The following GRID2 variants were observed in gnomAD, a reference collection of about 807,000 sequenced individuals.
GRID2 encodes glutamate receptor ionotropic, delta-2.
A neutral mutation model predicts 114.8 loss-of-function variants in GRID2; 33 were observed. The ratio of observed to expected loss-of-function variants is 0.29; its 90% CI spans 0.22 to 0.38. The LOEUF (loss-of-function observed/expected upper bound fraction) is 0.38. Among genes scored for constraint, GRID2 ranks in the 10% least tolerant of loss-of-function variants. The probability of loss-of-function intolerance (pLI) is 1.00; values close to 1 mark genes in which losing one functional copy is unlikely to be tolerated. For synonymous variants in GRID2, 505 were observed against 449.9 expected (o/e 1.12, Z -1.55); for missense variants, 1,184 against 1,257.7 (o/e 0.94, Z 0.89).
chr4:93,258,608 G>A (rs980612282), intron 8 of GRID2, among the ~76,000 whole-genome samples: 9 of 151,674 alleles, frequency 5.9e-5, no homozygotes, highest in Non-Finnish European at 1.2e-4. Context: ...CTCCTTTAGT[G>A]CATTATGATA....
At chr4:93,371,224 G>A (rs1762877084) in intron 8 of GRID2, among the ~76,000 whole-genome samples, 1 of 152,190 alleles carries the variant, frequency 6.6e-6, no homozygotes, top group African/African-American at 2.4e-5. Flanking sequence ...CCAAGTTTAA[G>A]TAAAAAGATT....
At chr4:93,088,666 A>C (rs1730529449) in intron 3 of GRID2, among the ~76,000 whole-genome samples, 1 of 152,136 alleles carries the variant, frequency 6.6e-6, no homozygotes, top group African/African-American at 2.4e-5. Flanking sequence ...ATATTGCAGC[A>C]ATTAAGATAT....
intron 11 of GRID2, among the ~76,000 whole-genome samples, chr4:93,466,900 A>C (rs185704997): frequency 6.6e-6 from 1 of 152,232 alleles, no homozygotes; most frequent in Admixed American, 6.5e-5. Context: ...TATAGATTGA[A>C]AGAAAGCCTT....
chr4:92,443,629 G>C (rs903207780), intron 1 of GRID2, among the ~76,000 whole-genome samples: 15 of 152,104 alleles, frequency 9.9e-5, no homozygotes, highest in Non-Finnish European at 2.1e-4. Flanking sequence ...TAGAAAAGCG[G>C]GACTTGCCGC....
intron 2 of GRID2, among the ~76,000 whole-genome samples, chr4:93,054,370 A>C (rs1727024622): frequency 6.6e-6 from 1 of 151,848 alleles, no homozygotes; most frequent in African/African-American, 2.4e-5. Context: ...AAAGAAAAAA[A>C]AAACTAGCAC....
At chr4:92,867,582 A>T (rs922072774) in intron 2 of GRID2, among the ~76,000 whole-genome samples, 9 of 143,600 alleles carry the variant, frequency 6.3e-5, no homozygotes, top group Admixed American at 2.8e-4. Context: ...CTGTACTATT[A>T]TTTTTTTTTT....
chr4:93,007,964 A>G (rs1055335258), intron 2 of GRID2, among the ~76,000 whole-genome samples: 1 of 149,448 alleles, frequency 6.7e-6, no homozygotes, highest in Non-Finnish European at 1.5e-5. Flanking sequence ...CTGCCCAGGA[A>G]GTGGAGGTTG....
chr4:93,800,673 A>T (rs1734910448), intron 1 of GRID2, among the ~76,000 whole-genome samples: 2 of 152,228 alleles, frequency 1.3e-5, no homozygotes, highest in Admixed American at 1.3e-4. Flanking sequence ...TATAAATAGT[A>T]ACCTGGATAC....
intron 2 of GRID2, among the ~76,000 whole-genome samples, chr4:92,835,891 ACTC>A (rs1342370837): frequency 6.6e-6 from 1 of 151,200 alleles, no homozygotes; most frequent in Non-Finnish European, 1.5e-5. Context: ...CCTCTAGACA[ACTC>A]CTTGACAGCA....
At chr4:93,090,725 A>G (rs1730711209) in intron 3 of GRID2, among the ~76,000 whole-genome samples, 1 of 152,110 alleles carries the variant, frequency 6.6e-6, no homozygotes, top group Non-Finnish European at 1.5e-5. Context: ...TGTTCAAATC[A>G]TGTGTCTTCA....
At chr4:92,545,766 T>C (rs1433244673) in intron 1 of GRID2, among the ~76,000 whole-genome samples, 1 of 152,200 alleles carries the variant, frequency 6.6e-6, no homozygotes, top group African/African-American at 2.4e-5. Context: ...GCTGCGACAC[T>C]CATTTCATCT....
intron 2 of GRID2, among the ~76,000 whole-genome samples, chr4:92,921,418 A>C (rs992608845): frequency 2.0e-5 from 3 of 152,082 alleles, no homozygotes; most frequent in Non-Finnish European, 4.4e-5. Flanking sequence ...GAAGGAGGAG[A>C]GGCGCTCTGA....
chr4:93,621,163 T>C (rs1374242635), intron 13 of GRID2, among the ~76,000 whole-genome samples: 1 of 152,136 alleles, frequency 6.6e-6, no homozygotes, highest in African/African-American at 2.4e-5. Context: ...AAGAAAAATA[T>C]AGAAATGGGA....
chr4:92,379,281 T>G (rs1195659903), intron 1 of GRID2, among the ~76,000 whole-genome samples: 1 of 151,954 alleles, frequency 6.6e-6, no homozygotes, highest in Non-Finnish European at 1.5e-5. Context: ...TGATGAAGGG[T>G]ATGGGGGATC....
intron 2 of GRID2, among the ~76,000 whole-genome samples, chr4:92,706,154 A>G (rs1384264992): frequency 6.6e-6 from 1 of 152,172 alleles, no homozygotes. Flanking sequence ...TTAAGACAAT[A>G]ATAAACTCAT....
intron 4 of GRID2, among the ~76,000 whole-genome samples, chr4:93,113,996 A>T (rs1443334008): frequency 1.3e-5 from 2 of 152,116 alleles, no homozygotes; most frequent in Non-Finnish European, 2.9e-5. Flanking sequence ...AGTAAGGGTA[A>T]ATTATGGTTT....
chr4:93,589,867 G>C (rs62320412), intron 13 of GRID2, among the ~76,000 whole-genome samples: 32,353 of 149,636 alleles, frequency 0.22, 3,849 homozygotes, highest in Middle Eastern at 0.33. Context: ...AGAAGTGTCT[G>C]TTCATGTCCT....
chr4:92,511,891 C>T (rs1017061731), intron 1 of GRID2, among the ~76,000 whole-genome samples: 2 of 151,720 alleles, frequency 1.3e-5, no homozygotes, highest in African/African-American at 4.8e-5. Flanking sequence ...TTTTGTGCAG[C>T]AATCACTACC....
chr4:92,395,337 A>G (rs146462345), intron 1 of GRID2, among the ~76,000 whole-genome samples: 1,602 of 151,774 alleles, frequency 0.011, 10 homozygotes, highest in Middle Eastern at 0.041. Flanking sequence ...TTCACTCGAT[A>G]AAAAATATTG....
Sources: gnomAD v4.1 joint callset for allele counts (sites outside exome capture counted in the v4.1 genomes callset) on GRCh38, gnomAD v4.1.1 for gene constraint, MANE v1.5 for transcripts, NCBI Gene and HGNC (gene_info 2026-07-23, HGNC 2026-07-21) for gene names.